CTNND2: variants seen among roughly 807,000 people sequenced by gnomAD.
CTNND2 encodes the protein catenin delta-2.
In CTNND2, 22 loss-of-function variants were observed where a neutral mutation model predicts 144.4. That is an observed-to-expected ratio of 0.15 (90% CI 0.11 to 0.22). The LOEUF (loss-of-function observed/expected upper bound fraction) is 0.22. Among genes scored for constraint, CTNND2 ranks in the 10% least tolerant of loss-of-function variants. The probability of loss-of-function intolerance (pLI) is 1.00; values close to 1 mark genes in which losing one functional copy is unlikely to be tolerated. For missense variants in CTNND2, 1,353 were observed against 1,618.8 expected (o/e 0.84, Z 2.82); for synonymous variants, 751 against 695.6 (o/e 1.08, Z -1.25).
At chr5:11,498,998 A>C (rs1770266695) in intron 3 of CTNND2, among the ~76,000 whole-genome samples, 1 of 152,210 alleles carries the variant, frequency 6.6e-6, no homozygotes, top group Non-Finnish European at 1.5e-5. Flanking sequence ...AGACTTCATG[A>C]GATCTGGAAT....
rs369795056 is a variant in CTNND2 at position 11,350,069 on chromosome 5, G to A, written c.1373-3442C>T. Among the ~76,000 whole-genome samples, 101 of 152,210 alleles carry A rather than the reference G, an allele frequency of 6.6e-4. 1 individual carries two copies. The highest frequency in any genetic ancestry group is 2.0e-3 in the African/African-American group (85 of 41,520). On this transcript the variant is annotated intron_variant, in intron 8 of 21. Transcript: ENST00000304623. ...GGAGAATTGCTTGAACCCGGGAGGC[G>A]GAGGTTGCAGTGAGCTGAGATCGTG... is the stretch of plus-strand genomic sequence containing the variant.
rs1389346383 is a variant in CTNND2 at position 11,756,688 on chromosome 5, A to G, written c.38-24416T>C. ...CACACACACACTTAACAGAAATGTG[A>G]TGATGCTATATATATTGTCTGTAAC... On this transcript the variant is annotated intron_variant, in intron 1 of 21. Transcript: ENST00000304623. 6.0e-5 allele frequency among the ~76,000 whole-genome samples: 9 copies of G among 151,196 alleles called. No individual in the cohort carries two copies. In the South Asian group the frequency reaches 1.5e-3, roughly 24 times the overall value.
At chr5:11,657,489 T>C (rs1382539798) in intron 2 of CTNND2, among the ~76,000 whole-genome samples, 1 of 152,104 alleles carries the variant, frequency 6.6e-6, no homozygotes, top group East Asian at 1.9e-4. Flanking sequence ...CATTTCTTCC[T>C]CCCTTCATTC....
chr5:11,665,901 T>C (rs990495380), intron 2 of CTNND2, among the ~76,000 whole-genome samples: 3 of 152,148 alleles, frequency 2.0e-5, no homozygotes, highest in Non-Finnish European at 4.4e-5. Flanking sequence ...CAGAAATATG[T>C]AGGGGAAAAC....
At chr5:11,821,107 T>C (rs1018129951) in intron 1 of CTNND2, among the ~76,000 whole-genome samples, 3 of 152,196 alleles carry the variant, frequency 2.0e-5, no homozygotes, top group Admixed American at 6.5e-5. Flanking sequence ...CAAAATACAA[T>C]TGTCTGTACC....
intron 9 of CTNND2, among the ~76,000 whole-genome samples, chr5:11,256,266 A>C (rs1580724160): frequency 6.6e-6 from 1 of 152,330 alleles, no homozygotes; most frequent in East Asian, 1.9e-4. Flanking sequence ...TTGTGTGTTG[A>C]CATAGATACA....
chr5:11,875,927 T>C (rs1434789909), intron 1 of CTNND2, among the ~76,000 whole-genome samples: 1 of 152,204 alleles, frequency 6.6e-6, no homozygotes, highest in Non-Finnish European at 1.5e-5. Context: ...ACCAGCAAGT[T>C]TGCTTTTGCT....
intron 11 of CTNND2, among the ~76,000 whole-genome samples, chr5:11,161,668 C>T (rs1758774794): frequency 6.6e-6 from 1 of 152,106 alleles, no homozygotes; most frequent in African/African-American, 2.4e-5. Context: ...TTGAGGATAA[C>T]TTTCAGGAAT....
chr5:11,470,980 ATTTTT>A (rs1171276873), intron 3 of CTNND2, among the ~76,000 whole-genome samples: 47 of 91,492 alleles, frequency 5.1e-4, no homozygotes, highest in Non-Finnish European at 6.1e-4. Flanking sequence ...ATATATATAT[ATTTTT>A]TTTTTTTTTT....
intron 1 of CTNND2, among the ~76,000 whole-genome samples, chr5:11,764,403 G>C (rs1789459510): frequency 6.6e-6 from 1 of 152,130 alleles, no homozygotes; most frequent in African/African-American, 2.4e-5. Flanking sequence ...CAATTTCCTG[G>C]CCCATTGTGG....
At chr5:11,017,148 T>G (rs1433972280) in intron 18 of CTNND2, among the ~76,000 whole-genome samples, 1 of 150,670 alleles carries the variant, frequency 6.6e-6, no homozygotes, top group Non-Finnish European at 1.5e-5. Flanking sequence ...AACAACAACT[T>G]CTGGGAAATG....
chr5:11,380,155 G>A (rs185493399), intron 7 of CTNND2, among the ~76,000 whole-genome samples: 10 of 152,270 alleles, frequency 6.6e-5, no homozygotes, highest in East Asian at 3.9e-4. Flanking sequence ...CTGACTCTGC[G>A]CGGGGTTTAA....
intron 3 of CTNND2, among the ~76,000 whole-genome samples, chr5:11,495,014 T>G (rs1226922676): frequency 6.6e-6 from 1 of 152,182 alleles, no homozygotes; most frequent in Non-Finnish European, 1.5e-5. Context: ...TCCTCACTGC[T>G]TGACTTACAA....
At chr5:11,229,649 T>C (rs1292524529) in intron 10 of CTNND2, among the ~76,000 whole-genome samples, 1 of 129,144 alleles carries the variant, frequency 7.7e-6, no homozygotes, top group Non-Finnish European at 1.7e-5. Flanking sequence ...ATATTGCGTG[T>C]GTGTGTGTGT....
At position 11,693,912 on chromosome 5, in the gene CTNND2, T is replaced by C. The variant is rs568830315; in HGVS notation, c.174+38224A>G. Among the ~76,000 whole-genome samples the C allele has an allele frequency of 2.6e-5, 4 of 152,350 alleles. No homozygotes were observed. In the South Asian group the frequency reaches 6.2e-4, roughly 24 times the overall value. Reference sequence around the variant, plus strand: ...TTTTCATCAACTAATTAATGCATAATCTTGTTTTATGGATGTTTCTCTTTG... The same window carrying C: ...TTTTCATCAACTAATTAATGCATAACCTTGTTTTATGGATGTTTCTCTTTG... On this transcript the variant is annotated intron_variant, in intron 2 of 21. Transcript: ENST00000304623.
chr5:11,098,683 G>A lies in CTNND2; in HGVS notation c.2529C>T (p.His843=). 6.2e-7 allele frequency: 1 copy of A among 1,614,162 alleles called. No homozygotes were observed. ...TGAGGTAGGGTTTGACTATTGATGG[G>A]TGCCACAGCATCTGGATCCCTTTTG... The part of the protein sequence containing the change: ...EPPKGIQMLW[H]PSIVKPYLTL... Residue 843 remains histidine, a synonymous_variant, in exon 15 of 22, where the codon CAC becomes CAT. Transcript: ENST00000304623.
chr5:11,830,483 T>A (rs1209303521), intron 1 of CTNND2, among the ~76,000 whole-genome samples: 1 of 152,214 alleles, frequency 6.6e-6, no homozygotes, highest in African/African-American at 2.4e-5. Context: ...GGATTTTCCC[T>A]GTACAACCTC....
intron 16 of CTNND2, among the ~76,000 whole-genome samples, chr5:11,068,495 C>T (rs1483000066): frequency 6.6e-6 from 1 of 152,066 alleles, no homozygotes; most frequent in Non-Finnish European, 1.5e-5. Flanking sequence ...AAAAGATGCT[C>T]TGGTATAGGT....
chr5:11,167,099 T>G (rs1342474181), intron 11 of CTNND2, among the ~76,000 whole-genome samples: 2 of 152,050 alleles, frequency 1.3e-5, no homozygotes, highest in Non-Finnish European at 2.9e-5. Flanking sequence ...TACACAAAGG[T>G]CGATTCTTTT....
Sources: allele counts gnomAD v4.1 joint callset (sites outside exome capture counted in the v4.1 genomes callset), GRCh38; gene constraint gnomAD v4.1.1; transcripts MANE v1.5; gene names NCBI Gene and HGNC (gene_info 2026-07-23, HGNC 2026-07-21).